CNTNAP2: variants seen among roughly 807,000 people sequenced by gnomAD.
The protein encoded by CNTNAP2 is contactin associated protein 2.
In CNTNAP2, 98 loss-of-function variants were observed where a neutral mutation model predicts 155.2. That is an observed-to-expected ratio of 0.63 (90% CI 0.54 to 0.75). CNTNAP2 has a LOEUF of 0.75. Ranked by LOEUF, CNTNAP2 falls within the 30% of genes least tolerant of loss-of-function variation. The pLI, the probability that CNTNAP2 is intolerant of heterozygous loss-of-function variation, is 0.00. For synonymous variants in CNTNAP2, 651 were observed against 631.2 expected (o/e 1.03, Z -0.47); for missense variants, 1,727 against 1,688.1 (o/e 1.02, Z -0.40).
rs115230483 is a variant in CNTNAP2 at position 147,224,784 on chromosome 7, A to G, written c.1349-75357A>G. On this transcript the variant is annotated intron_variant, in intron 8 of 23. Coordinates refer to ENST00000361727, the MANE Select transcript of CNTNAP2 (RefSeq NM_014141.6). ...CCATGTTTCCCCCCTCTCTATATAT[A>G]CACATATACACACACATAAACACAC... Among the ~76,000 whole-genome samples, 406 of 152,250 alleles carry G rather than the reference A, an allele frequency of 2.7e-3. 1 individual carries two copies. The highest frequency in any genetic ancestry group is 9.2e-3 in the African/African-American group (380 of 41,526).
chr7:147,198,955 CTTTTTTTTTTTTTTTT>C (rs531893928), intron 8 of CNTNAP2, among the ~76,000 whole-genome samples: 1 of 99,312 alleles, frequency 1.0e-5, no homozygotes, highest in Non-Finnish European at 2.0e-5. Context: ...AATCAAAGGA[CTTTTTTTTTTTTTTTT>C]TTTTTTTTGA....
intron 15 of CNTNAP2, among the ~76,000 whole-genome samples, chr7:148,052,735 A>G (rs963544537): frequency 1.3e-5 from 2 of 152,218 alleles, no homozygotes; most frequent in African/African-American, 4.8e-5. Context: ...GTTTAGCCGT[A>G]TAACAGTATT....
At chr7:147,710,348 A>G (rs1382059193) in intron 13 of CNTNAP2, among the ~76,000 whole-genome samples, 2 of 152,046 alleles carry the variant, frequency 1.3e-5, no homozygotes, top group African/African-American at 2.4e-5. Flanking sequence ...TCTGTTTCCC[A>G]CCATCACCAC....
intron 1 of CNTNAP2, among the ~76,000 whole-genome samples, chr7:146,341,065 T>A (rs529117227): frequency 5.6e-4 from 86 of 152,296 alleles, no homozygotes; most frequent in Non-Finnish European, 1.0e-3. Context: ...AGAGTTCAGA[T>A]AATAATGTTT....
chr7:146,180,906 T>C (rs1334680123), intron 1 of CNTNAP2, among the ~76,000 whole-genome samples: 1 of 152,178 alleles, frequency 6.6e-6, no homozygotes, highest in Non-Finnish European at 1.5e-5. Context: ...GTGTATGTGC[T>C]GTGCCTTGTA....
At chr7:146,219,273 A>C (rs1799167925) in intron 1 of CNTNAP2, among the ~76,000 whole-genome samples, 7 of 152,200 alleles carry the variant, frequency 4.6e-5, no homozygotes, top group Admixed American at 4.6e-4. Context: ...AGACATAGCC[A>C]AACCATATCA....
intron 1 of CNTNAP2, among the ~76,000 whole-genome samples, chr7:146,250,891 A>G (rs1049577019): frequency 2.6e-5 from 4 of 152,156 alleles, no homozygotes; most frequent in African/African-American, 9.7e-5. Context: ...ATATAAAATT[A>G]CCATGCATAC....
intron 18 of CNTNAP2, among the ~76,000 whole-genome samples, chr7:148,206,590 C>A (rs1795453793): frequency 6.6e-6 from 1 of 152,182 alleles, no homozygotes; most frequent in Admixed American, 6.5e-5. Context: ...CAAGTTATGT[C>A]CAACATCCTC....
intron 4 of CNTNAP2, among the ~76,000 whole-genome samples, chr7:147,066,146 T>C (rs1799775879): frequency 6.6e-6 from 1 of 152,240 alleles, no homozygotes; most frequent in Admixed American, 6.5e-5. Context: ...AAGGTCACAC[T>C]GACCTATTAT....
At chr7:147,000,903 G>C (rs758157959) in intron 3 of CNTNAP2, among the ~76,000 whole-genome samples, 6 of 152,076 alleles carry the variant, frequency 3.9e-5, no homozygotes, top group Non-Finnish European at 8.8e-5. Flanking sequence ...TTCTTGCAGG[G>C]CCTGGGGGTT....
intron 8 of CNTNAP2, among the ~76,000 whole-genome samples, chr7:147,214,473 T>A (rs1803224091): frequency 1.3e-5 from 2 of 152,140 alleles, no homozygotes; most frequent in Admixed American, 6.6e-5. Flanking sequence ...TAAATTTACT[T>A]ATGTATGTTA....
chr7:146,511,551 A>T (rs1331746711), intron 1 of CNTNAP2, among the ~76,000 whole-genome samples: 1 of 152,138 alleles, frequency 6.6e-6, no homozygotes, highest in African/African-American at 2.4e-5. Flanking sequence ...ACATTTTTTT[A>T]AAAATTCTGT....
intron 1 of CNTNAP2, among the ~76,000 whole-genome samples, chr7:146,453,727 A>C (rs1219453890): frequency 6.6e-6 from 1 of 152,004 alleles, no homozygotes; most frequent in Non-Finnish European, 1.5e-5. Context: ...TTAGAGGTAC[A>C]GAAGATATAA....
At chr7:148,134,477 G>GA (rs1262321442) in intron 16 of CNTNAP2, among the ~76,000 whole-genome samples, 1 of 151,860 alleles carries the variant, frequency 6.6e-6, no homozygotes, top group Non-Finnish European at 1.5e-5. Context: ...TTTTTAACAG[G>GA]AAAAAAGAAC....
intron 12 of CNTNAP2, among the ~76,000 whole-genome samples, chr7:147,619,097 G>A (rs1034576450): frequency 2.0e-5 from 3 of 152,110 alleles, no homozygotes; most frequent in Admixed American, 1.3e-4. Context: ...TTTAAAAATA[G>A]GTGATTACAT....
rs149284416 is a variant in CNTNAP2 at position 146,396,647 on chromosome 7, G to A, written c.97+279674G>A. Among the ~76,000 whole-genome samples, 204 of 151,116 alleles carry A rather than the reference G, an allele frequency of 1.3e-3. 1 individual carries two copies. Among genetic ancestry groups the A allele is most frequent in the African/African-American group, 4.8e-3 (196 of 40,946 alleles). On this transcript the variant is annotated intron_variant, in intron 1 of 23. Transcript: ENST00000361727. ...CGCATTATTATTACACAAACATTTT[G>A]CTAAAGTTTGGAAATTATTCCTTTA...
At chr7:147,175,357 A>G (rs1012562844) in intron 8 of CNTNAP2, among the ~76,000 whole-genome samples, 2 of 152,202 alleles carry the variant, frequency 1.3e-5, no homozygotes, top group Non-Finnish European at 2.9e-5. Flanking sequence ...CTCTGGCCTG[A>G]AGTACTTCAT....
intron 2 of CNTNAP2, among the ~76,000 whole-genome samples, chr7:146,777,663 A>G (rs1410438097): frequency 2.6e-5 from 4 of 151,948 alleles, no homozygotes; most frequent in Non-Finnish European, 5.9e-5. Context: ...TCCTGGGTTC[A>G]AGTGATTCTT....
chr7:148,193,287 A>G (rs1277036350), intron 18 of CNTNAP2, among the ~76,000 whole-genome samples: 2 of 152,228 alleles, frequency 1.3e-5, no homozygotes, highest in Non-Finnish European at 2.9e-5. Flanking sequence ...CTCCCCACAG[A>G]TAAGGGCCAA....
Sources: gnomAD v4.1 joint callset for allele counts (sites outside exome capture counted in the v4.1 genomes callset) on GRCh38, gnomAD v4.1.1 for gene constraint, MANE v1.5 for transcripts, NCBI Gene and HGNC (gene_info 2026-07-23, HGNC 2026-07-21) for gene names.